The following PRUNE2 variants were observed in gnomAD, a reference collection of about 807,000 sequenced individuals.
The protein encoded by PRUNE2 is protein prune homolog 2.
PRUNE2 carries 164 observed loss-of-function variants against 252.0 expected under a neutral mutation model. That is an observed-to-expected ratio of 0.65 (90% confidence interval 0.57 to 0.74). The LOEUF (loss-of-function observed/expected upper bound fraction) is 0.74. Ranked by LOEUF, PRUNE2 falls within the 30% of genes least tolerant of loss-of-function variation. The pLI is 0.00. For synonymous variants in PRUNE2, 1,292 were observed against 1,350.2 expected, an observed-to-expected ratio of 0.96 and a Z score of 0.94; for missense variants, 3,495 against 3,711.0, an observed-to-expected ratio of 0.94 and a Z score of 1.51.
chr9:76,819,021 C>T (rs1410640816), intron 6 of PRUNE2, among the ~76,000 whole-genome samples: 3 of 152,106 alleles, frequency 2.0e-5, no homozygotes, highest in East Asian at 1.9e-4. Context: ...GAGGCTGAGG[C>T]GAGTTGATCG....
At chr9:76,777,945 T>C (rs2131122451) in intron 6 of PRUNE2, among the ~76,000 whole-genome samples, 1 of 152,266 alleles carries the variant, frequency 6.6e-6, no homozygotes, top group South Asian at 2.1e-4. Context: ...TGCTGTGTTC[T>C]AGGAAAAGCA....
intron 6 of PRUNE2, among the ~76,000 whole-genome samples, chr9:76,748,205 A>G (rs141850242): frequency 7.2e-5 from 11 of 152,340 alleles, no homozygotes; most frequent in Non-Finnish European, 1.2e-4. Context: ...GAGGCAGTAG[A>G]TAAATAAGCT....
At chr9:76,746,726 A>C (rs2050152751) in intron 6 of PRUNE2, among the ~76,000 whole-genome samples, 1 of 149,138 alleles carries the variant, frequency 6.7e-6, no homozygotes, top group African/African-American at 2.5e-5. Context: ...AAAAAAAAAA[A>C]AAAAAAAAAA....
At chr9:76,650,989 G>A (rs1847154342) in intron 11 of PRUNE2, among the ~76,000 whole-genome samples, 1 of 152,114 alleles carries the variant, frequency 6.6e-6, no homozygotes, top group South Asian at 2.1e-4. Context: ...GAGCTGGTAG[G>A]GGCAACTGGG....
chr9:76,665,322 G>A (rs996637601), intron 9 of PRUNE2, among the ~76,000 whole-genome samples: 12 of 151,922 alleles, frequency 7.9e-5, no homozygotes, highest in African/African-American at 2.9e-4. Context: ...CTCCATCCTG[G>A]AACCTCGCCT....
intron 4 of PRUNE2, among the ~76,000 whole-genome samples, chr9:76,830,930 ATTT>A (rs34591955): frequency 2.7e-3 from 381 of 138,548 alleles, no homozygotes; most frequent in African/African-American, 9.9e-3. Context: ...AGTGAAAACA[ATTT>A]TTTTTTTTTT....
chr9:76,840,947 C>T (rs1189356929), intron 4 of PRUNE2, among the ~76,000 whole-genome samples: 6 of 151,878 alleles, frequency 4.0e-5, no homozygotes, highest in African/African-American at 7.3e-5. Context: ...CGCCACTGCA[C>T]TCCAACCTGG....
intron 4 of PRUNE2, among the ~76,000 whole-genome samples, chr9:76,841,137 T>C (rs1216983097): frequency 2.0e-5 from 3 of 152,074 alleles, no homozygotes; most frequent in Non-Finnish European, 2.9e-5. Flanking sequence ...TGGTTAGACA[T>C]TGGGACTGGT....
At chr9:76,650,821 C>T (rs902238362) in intron 11 of PRUNE2, among the ~76,000 whole-genome samples, 9 of 152,124 alleles carry the variant, frequency 5.9e-5, no homozygotes, top group African/African-American at 1.9e-4. Context: ...CTGCTTTGCT[C>T]GACAGTTTTA....
At chr9:76,890,163 G>A (rs2062380607) in intron 1 of PRUNE2, among the ~76,000 whole-genome samples, 1 of 152,134 alleles carries the variant, frequency 6.6e-6, no homozygotes, top group African/African-American at 2.4e-5. Context: ...TGACCTCTTT[G>A]AGCCTCAGTT....
chr9:76,715,438 C>T (rs185034089), intron 6 of PRUNE2, among the ~76,000 whole-genome samples: 20 of 152,298 alleles, frequency 1.3e-4, no homozygotes, highest in African/African-American at 4.8e-4. Flanking sequence ...CCAAGGCAGC[C>T]ACTCTCATCT....
intron 6 of PRUNE2, among the ~76,000 whole-genome samples, chr9:76,798,088 T>A (rs1190296911): frequency 6.6e-6 from 1 of 152,160 alleles, no homozygotes; most frequent in Non-Finnish European, 1.5e-5. Context: ...TTTCATGAGT[T>A]TCAATATAAC....
At chr9:76,723,264 A>T (rs79212294) in intron 6 of PRUNE2, among the ~76,000 whole-genome samples, 1,725 of 152,342 alleles carry the variant, frequency 0.011, 33 homozygotes, top group East Asian at 0.083. Flanking sequence ...GTGGGAAAAC[A>T]GGAGATGTGG....
rs1554779764 is a variant in PRUNE2, at chr9:76,807,020, ATGTGTG to A, written c.756+16606_756+16611del. ...ATACCTTTAACCACTACCTCATACA[ATGTGTG>A]TGTGTGTGTGTGTGTGTGTGTGTGT... On this transcript the variant is annotated intron_variant, in intron 6 of 18. Coordinates refer to ENST00000376718, the MANE Select transcript of PRUNE2 (RefSeq NM_015225.3). 1.6e-3 allele frequency among the ~76,000 whole-genome samples: 226 copies of A among 140,490 alleles called. 1 individual carries two copies. The highest frequency in any genetic ancestry group is 0.01 in the South Asian group (43 of 4,270). The allele number at this position is 140,490 out of a possible 152,430, so 92.2% of individuals were successfully genotyped here. A position where few individuals can be genotyped will look rare whatever the true frequency, so the allele number is the denominator to read the frequency against.
chr9:76,849,186 C>T (rs1196110190), intron 3 of PRUNE2, among the ~76,000 whole-genome samples: 1 of 152,294 alleles, frequency 6.6e-6, no homozygotes, highest in East Asian at 1.9e-4. Flanking sequence ...GCTGGAATTA[C>T]AGGCATGAGC....
At position 76,665,056 on chromosome 9, in the gene PRUNE2, C is replaced by T. The variant is rs181690433; in HGVS notation, c.8277-9554G>A. On this transcript the variant is annotated intron_variant, in intron 9 of 18. Transcript: ENST00000376718. ...TTTTTTTCATGCAGAAACATCACCA[C>T]CTTTCTGTTTACGATCGTCATCCCT... is the stretch of plus-strand genomic sequence containing the variant. Among the ~76,000 whole-genome samples, 423 of 152,262 alleles carry T rather than the reference C, an allele frequency of 2.8e-3. 3 individuals carry two copies. Among genetic ancestry groups the T allele is most frequent in the African/African-American group, 8.6e-3 (356 of 41,554 alleles).
intron 17 of PRUNE2, among the ~76,000 whole-genome samples, chr9:76,622,764 A>G (rs963515709): frequency 6.6e-6 from 1 of 152,106 alleles, no homozygotes; most frequent in African/African-American, 2.4e-5. Context: ...GATCAAGACT[A>G]AGAAGATTTT....
intron 6 of PRUNE2, among the ~76,000 whole-genome samples, chr9:76,820,629 T>G (rs1462948432): frequency 1.3e-5 from 2 of 152,244 alleles, no homozygotes; most frequent in African/African-American, 4.8e-5. Flanking sequence ...CCCGACATGC[T>G]GCAGAACCTA....
At chr9:76,753,680 C>T (rs1229672149) in intron 6 of PRUNE2, among the ~76,000 whole-genome samples, 1 of 151,948 alleles carries the variant, frequency 6.6e-6, no homozygotes, top group East Asian at 1.9e-4. Flanking sequence ...TTTGGGAGGC[C>T]GAGGCGGGCA....
Sources: allele counts gnomAD v4.1 joint callset (sites outside exome capture counted in the v4.1 genomes callset), GRCh38; gene constraint gnomAD v4.1.1; transcripts MANE v1.5; gene names NCBI Gene and HGNC (gene_info 2026-07-23, HGNC 2026-07-21).